Variants in PCDHGB1 observed in about 807,000 individuals in gnomAD.
The protein encoded by PCDHGB1 is protocadherin gamma subfamily B, 1.
Under a neutral mutation model 56.6 loss-of-function variants are expected in PCDHGB1, and 34 were observed. That is an observed-to-expected ratio of 0.60 (90% CI 0.46 to 0.80). PCDHGB1 has a LOEUF of 0.80. PCDHGB1 is among the 30% of genes least tolerant of loss of function. PCDHGB1 has a pLI of 0.00. For synonymous variants in PCDHGB1, 561 were observed against 505.9 expected (o/e 1.11, Z -1.46); for missense variants, 1,278 against 1,204.6 (o/e 1.06, Z -0.90).
chr5:141,360,023 A>C, intron 1 of PCDHGB1: 1 of 1,309,494 alleles, frequency 7.6e-7, no homozygotes, highest in Non-Finnish European at 1.0e-6. Context: ...AGAGAAGGCC[A>C]GTATAGATTC....
chr5:141,441,725 C>A, intron 1 of PCDHGB1: 1 of 352,450 alleles, frequency 2.8e-6, no homozygotes. Flanking sequence ...AGGCCCGCGA[C>A]CAGGACTAGC....
At chr5:141,389,605 A>T in intron 1 of PCDHGB1, 1 of 1,613,092 alleles carries the variant, frequency 6.2e-7, no homozygotes, top group Non-Finnish European at 8.5e-7. Context: ...GCGCTCTTCG[A>T]TATGGTGCCG....
chr5:141,464,769 T>C (rs2154568595), intron 1 of PCDHGB1, among the ~76,000 whole-genome samples: 1 of 152,328 alleles, frequency 6.6e-6, no homozygotes. Flanking sequence ...ACAGGAATCT[T>C]GTTCTGTTGC....
chr5:141,387,938 T>G (rs1461367286), intron 1 of PCDHGB1: 1 of 1,476,714 alleles, frequency 6.8e-7, no homozygotes, highest in South Asian at 1.4e-5. Context: ...CAGTGCTCTT[T>G]CTCTTCCTGC....
Position 141,490,849 on chromosome 5 carries a change from C to T in PCDHGB1, c.2410-3958C>T, listed in dbSNP as rs200640560. The stretch of plus-strand genomic sequence containing the variant: ...GATGCTGCAGATTGTGGTGGGGGTT[C>T]GAGACTCCGGCTCTCCCCCATTGCA... On this transcript the variant is annotated intron_variant, in intron 1 of 3. Coordinates refer to ENST00000523390, the MANE Select transcript of PCDHGB1 (RefSeq NM_018922.3). This position sits in a 1 kb window ranked among gnomAD's most constrained non-coding sequence, Gnocchi z 5.4. The T allele has an allele frequency of 1.3e-5, 21 of 1,613,748 alleles. No individual in the cohort carries two copies. Among genetic ancestry groups the T allele is most frequent in the Admixed American group, 1.7e-5 (1 of 60,022 alleles).
rs1458508114 is a variant in PCDHGB1, at chr5:141,489,523, C to T, written c.2410-5284C>T. ...GAATCAAAAGATTGACCGAGAAAGC[C>T]TATGTGGAGCCAGCACCAGCTGCCT... On this transcript the variant is annotated intron_variant, in intron 1 of 3. Transcript: ENST00000523390. This position sits in a 1 kb window ranked among gnomAD's most constrained non-coding sequence, Gnocchi z 4.5. The T allele has an allele frequency of 3.5e-5, 56 of 1,614,006 alleles. No homozygotes were observed. The highest frequency in any genetic ancestry group is 4.5e-5 in the Non-Finnish European group (53 of 1,180,044).
intron 1 of PCDHGB1, chr5:141,413,829 C>T (rs923860929): frequency 1.1e-5 from 18 of 1,613,176 alleles, no homozygotes; most frequent in Non-Finnish European, 1.4e-5. Flanking sequence ...TCCTCACCGC[C>T]TCCGACGGGG....
intron 3 of PCDHGB1, among the ~76,000 whole-genome samples, chr5:141,506,799 A>G (rs1026030023): frequency 5.3e-5 from 8 of 152,198 alleles, no homozygotes; most frequent in Admixed American, 3.9e-4. Flanking sequence ...CTGGCAGAGG[A>G]TCAAGGCATT....
At chr5:141,393,914 C>T (rs765664879) in intron 1 of PCDHGB1, 2 of 1,613,932 alleles carry the variant, frequency 1.2e-6, no homozygotes, top group South Asian at 2.2e-5. Flanking sequence ...CAGTAATTGC[C>T]TTCTTGAGTG....
Position 141,393,770 on chromosome 5 carries a change from A to G in PCDHGB1, c.2409+41101A>G, listed in dbSNP as rs372280460. 83 of 1,613,864 alleles carry G rather than the reference A, an allele frequency of 5.1e-5. 1 individual carries two copies. Among genetic ancestry groups the G allele is most frequent in the Middle Eastern group, 1.6e-4 (1 of 6,084 alleles). On this transcript the variant is annotated intron_variant, in intron 1 of 3. Transcript: ENST00000523390. ...AATGTTCATTTTATGAAATGGAAAT[A>G]CAAGCCGAAGATGTGGGGGCACTTC... is the stretch of plus-strand genomic sequence containing the variant.
chr5:141,423,775 T>A, intron 1 of PCDHGB1: 1 of 1,209,960 alleles, frequency 8.3e-7, no homozygotes, highest in Non-Finnish European at 1.1e-6. Context: ...GCGGCATATA[T>A]TTAGTTCATA....
In PCDHGB1 at chr5:141,431,775, A is replaced by T; in HGVS notation, c.2410-63032A>T. 6.2e-7 allele frequency: 1 copy of T among 1,614,204 alleles called. No homozygotes were observed. Among genetic ancestry groups the T allele is most frequent in the Non-Finnish European group, 8.5e-7 (1 of 1,180,024 alleles). ...GCCAAAGTCCTGATCACTGTTCTGG[A>T]CGTGAACGACAATGCCCCAGAAGTG... On this transcript the variant is annotated intron_variant, in intron 1 of 3. Transcript: ENST00000523390. This position sits in a 1 kb window ranked among gnomAD's most constrained non-coding sequence, Gnocchi z 4.8.
intron 1 of PCDHGB1, chr5:141,371,244 A>G (rs1767599935): frequency 1.2e-6 from 2 of 1,613,920 alleles, no homozygotes; most frequent in South Asian, 2.2e-5. Context: ...CTTCATCAAT[A>G]TTGGCAAGGA....
At chr5:141,454,426 GAC>G (rs746508144) in intron 1 of PCDHGB1, among the ~76,000 whole-genome samples, 3 of 152,168 alleles carry the variant, frequency 2.0e-5, no homozygotes, top group Non-Finnish European at 2.9e-5. Context: ...TTTATTTAGA[GAC>G]AGAGTTTCAC....
At chr5:141,376,530 G>T (rs200613052) in intron 1 of PCDHGB1, 35 of 1,613,550 alleles carry the variant, frequency 2.2e-5, no homozygotes, top group Non-Finnish European at 2.8e-5. Flanking sequence ...CCGCCTAAGC[G>T]GGAAGAGTAA....
At chr5:141,395,077 A>C (rs2093162583) in intron 1 of PCDHGB1, 1 of 1,614,024 alleles carries the variant, frequency 6.2e-7, no homozygotes, top group South Asian at 1.1e-5. Context: ...ACCTATTCCC[A>C]GGAAGTCTCC....
At chr5:141,430,979 C>A (rs370494413) in intron 1 of PCDHGB1, 2 of 1,613,642 alleles carry the variant, frequency 1.2e-6, no homozygotes, top group Non-Finnish European at 1.7e-6. Context: ...TAGGACGCAG[C>A]TTTTCGCCCT....
intron 1 of PCDHGB1, chr5:141,364,871 G>T (rs775321480): frequency 3.7e-6 from 6 of 1,614,010 alleles, no homozygotes; most frequent in Non-Finnish European, 5.1e-6. Flanking sequence ...CTTCTCTCTG[G>T]ATGTGGTAAG....
intron 1 of PCDHGB1, chr5:141,362,323 G>A: frequency 6.2e-7 from 1 of 1,614,082 alleles, no homozygotes; most frequent in East Asian, 2.2e-5. Flanking sequence ...TTTTCAGCCT[G>A]GTCTCAGCTC....
Sources: allele counts gnomAD v4.1 joint callset (sites outside exome capture counted in the v4.1 genomes callset), GRCh38; gene constraint gnomAD v4.1.1; non-coding constraint Gnocchi (gnomAD v3.1); transcripts MANE v1.5; gene names NCBI Gene and HGNC (gene_info 2026-07-23, HGNC 2026-07-21).